PDE10A: variants seen among roughly 807,000 people sequenced by gnomAD.
The protein encoded by PDE10A is phosphodiesterase 10A.
In PDE10A, 39 loss-of-function variants were observed where a neutral mutation model predicts 97.7. That is an observed-to-expected ratio of 0.40 (90% CI 0.31 to 0.52). The LOEUF is 0.52. PDE10A is among the 20% of genes least tolerant of loss of function. PDE10A has a pLI of 0.56. For synonymous variants in PDE10A, 371 were observed against 376.8 expected (o/e 0.98, Z 0.18); for missense variants, 731 against 1,047.8 (o/e 0.70, Z 4.17).
intron 1 of PDE10A, among the ~76,000 whole-genome samples, chr6:165,563,766 C>T (rs1186668335): frequency 7.9e-5 from 12 of 152,000 alleles, no homozygotes; most frequent in Admixed American, 6.6e-5. Context: ...TGGTGTGTAC[C>T]TGTGATCCCA....
intron 1 of PDE10A, among the ~76,000 whole-genome samples, chr6:165,917,023 G>C (rs147913968): frequency 1.3e-5 from 2 of 152,210 alleles, no homozygotes; most frequent in East Asian, 3.9e-4. Flanking sequence ...GTTGGGGTTG[G>C]GTAGTTCCAG....
intron 1 of PDE10A, among the ~76,000 whole-genome samples, chr6:165,902,994 G>A (rs1056310977): frequency 6.6e-6 from 1 of 152,212 alleles, no homozygotes; most frequent in Non-Finnish European, 1.5e-5. Flanking sequence ...CGGCATTACT[G>A]TTACTAACAC....
intron 1 of PDE10A, among the ~76,000 whole-genome samples, chr6:165,770,412 A>G (rs1777973305): frequency 6.6e-6 from 1 of 152,160 alleles, no homozygotes; most frequent in South Asian, 2.1e-4. Context: ...CTGACTTCCA[A>G]CCTCCATATC....
chr6:165,387,711 T>C (rs1785404639), intron 17 of PDE10A, among the ~76,000 whole-genome samples: 1 of 152,240 alleles, frequency 6.6e-6, no homozygotes, highest in Admixed American at 6.5e-5. Flanking sequence ...GATTATATTT[T>C]TAAACATTGT....
intron 2 of PDE10A, among the ~76,000 whole-genome samples, chr6:165,497,185 T>C (rs1399731192): frequency 6.6e-6 from 1 of 152,218 alleles, no homozygotes; most frequent in East Asian, 1.9e-4. Context: ...ATAATGATTT[T>C]TAATAACTTG....
chr6:165,826,746 C>A (rs118032034), intron 1 of PDE10A, among the ~76,000 whole-genome samples: 5,264 of 146,076 alleles, frequency 0.036, 111 homozygotes, highest in Middle Eastern at 0.067. Context: ...ACTTGGCAAA[C>A]GGAGCTGACA....
chr6:165,382,502 C>T (rs1026268697), intron 17 of PDE10A, among the ~76,000 whole-genome samples: 4 of 151,978 alleles, frequency 2.6e-5, no homozygotes, highest in Admixed American at 2.6e-4. Context: ...ATTTTGGAGC[C>T]AAATAATTCT....
chr6:165,839,257 G>A (rs1236097236), intron 1 of PDE10A, among the ~76,000 whole-genome samples: 1 of 152,146 alleles, frequency 6.6e-6, no homozygotes, highest in Non-Finnish European at 1.5e-5. Flanking sequence ...TTCAGCAGAG[G>A]TGCTCAAAGA....
At chr6:165,754,434 A>G (rs1345071977) in intron 1 of PDE10A, 1 of 152,228 alleles carries the variant, frequency 6.6e-6, no homozygotes, top group African/African-American at 2.4e-5. Context: ...TACTAACACT[A>G]TAGATACTCA....
At chr6:165,972,069 G>A (rs932420907) in intron 1 of PDE10A, among the ~76,000 whole-genome samples, 1 of 152,134 alleles carries the variant, frequency 6.6e-6, no homozygotes, top group African/African-American at 2.4e-5. Context: ...GGTACACGCT[G>A]TAACAAAGGA....
chr6:165,576,988 A>G (rs1429603362), intron 1 of PDE10A, among the ~76,000 whole-genome samples: 1 of 152,214 alleles, frequency 6.6e-6, no homozygotes, highest in African/African-American at 2.4e-5. Flanking sequence ...TCTTCTTCCA[A>G]TGTGCATACC....
intron 12 of PDE10A, among the ~76,000 whole-genome samples, chr6:165,415,524 TCAAAA>T (rs1279982488): frequency 1.3e-5 from 2 of 152,112 alleles, no homozygotes; most frequent in South Asian, 2.1e-4. Flanking sequence ...CCAAAGAAAG[TCAAAA>T]CAAAACAAAA....
At chr6:165,503,638 A>G (rs998951506) in intron 2 of PDE10A, among the ~76,000 whole-genome samples, 6 of 152,178 alleles carry the variant, frequency 3.9e-5, no homozygotes, top group African/African-American at 1.4e-4. Context: ...AAGTTTCCCA[A>G]TATATCCACC....
chr6:165,939,596 AATATGACTTGGGTTCTTCTGG>A (rs1219631732), intron 1 of PDE10A: 1 of 152,272 alleles, frequency 6.6e-6, no homozygotes, highest in Non-Finnish European at 1.5e-5. Flanking sequence ...GCTTTAAATG[AATATGACTTGGGTTCTTCTGG>A]CATTTTTATT....
chr6:165,557,566 C>A (rs549661490), intron 1 of PDE10A, among the ~76,000 whole-genome samples: 1 of 152,216 alleles, frequency 6.6e-6, no homozygotes, highest in African/African-American at 2.4e-5. Context: ...TATTCATATG[C>A]AGACTTGAAA....
At chr6:165,956,729 C>G (rs1453144360) in intron 1 of PDE10A, among the ~76,000 whole-genome samples, 4 of 152,202 alleles carry the variant, frequency 2.6e-5, no homozygotes, top group African/African-American at 9.6e-5. Context: ...GGATTTCTCT[C>G]TGACATGTCT....
intron 3 of PDE10A, among the ~76,000 whole-genome samples, chr6:165,468,448 C>T (rs1476279278): frequency 2.0e-5 from 3 of 152,130 alleles, no homozygotes; most frequent in East Asian, 1.9e-4. Context: ...ACACAATTTA[C>T]AGGCTACAGT....
intron 1 of PDE10A, among the ~76,000 whole-genome samples, chr6:165,760,526 A>C (rs1793225096): frequency 6.6e-6 from 1 of 152,210 alleles, no homozygotes; most frequent in Non-Finnish European, 1.5e-5. Flanking sequence ...TTATCATAAC[A>C]CCAGGTAAGA....
chr6:165,975,071 G>A (rs1005537409), intron 1 of PDE10A, among the ~76,000 whole-genome samples: 11 of 152,182 alleles, frequency 7.2e-5, no homozygotes, highest in African/African-American at 2.2e-4. Flanking sequence ...GAAGGAGCCC[G>A]GGTCCAGACC....
Sources: gnomAD v4.1 joint callset for allele counts (sites outside exome capture counted in the v4.1 genomes callset) on GRCh38, gnomAD v4.1.1 for gene constraint, MANE v1.5 for transcripts, NCBI Gene and HGNC (gene_info 2026-07-23, HGNC 2026-07-21) for gene names.